Variants in SMYD3 observed in about 807,000 individuals in gnomAD.
SMYD3 encodes the protein SET and MYND domain containing 3.
In SMYD3, 36 loss-of-function variants were observed where a neutral mutation model predicts 57.7. The observed-to-expected ratio is 0.62, with a 90% CI of 0.48 to 0.82. The LOEUF (loss-of-function observed/expected upper bound fraction) is 0.82, where lower values mean the gene tolerates loss of function less well. Among genes scored for constraint, SMYD3 ranks in the 40% least tolerant of loss-of-function variants. The pLI is 0.00. For missense variants in SMYD3, 515 were observed against 538.8 expected (o/e 0.96, Z 0.44); for synonymous variants, 211 against 195.0 (o/e 1.08, Z -0.68).
intron 1 of SMYD3, among the ~76,000 whole-genome samples, chr1:246,444,156 T>G (rs948752477): frequency 3.4e-5 from 5 of 145,554 alleles, no homozygotes; most frequent in African/African-American, 5.1e-5. Context: ...AGACAGAGTC[T>G]CGTTCTGTCA....
chr1:246,392,722 A>G (rs1029455936), intron 1 of SMYD3, among the ~76,000 whole-genome samples: 4 of 151,738 alleles, frequency 2.6e-5, no homozygotes, highest in Admixed American at 6.6e-5. Flanking sequence ...TGCTGGGATT[A>G]TAGGTGTGAG....
intron 10 of SMYD3, among the ~76,000 whole-genome samples, chr1:245,765,992 C>T (rs960402155): frequency 1.3e-5 from 2 of 152,154 alleles, no homozygotes; most frequent in African/African-American, 4.8e-5. Flanking sequence ...TTAACTCTTC[C>T]TCCCATGAAA....
intron 1 of SMYD3, among the ~76,000 whole-genome samples, chr1:246,380,757 T>TA (rs1309375160): frequency 2.0e-5 from 3 of 152,262 alleles, no homozygotes; most frequent in African/African-American, 7.2e-5. Context: ...CTGTGCTAGA[T>TA]ACCTGTAACA....
chr1:246,456,806 C>G (rs79357482), intron 1 of SMYD3, among the ~76,000 whole-genome samples: 2 of 152,094 alleles, frequency 1.3e-5, no homozygotes, highest in Non-Finnish European at 2.9e-5. Flanking sequence ...AAACTGGAGA[C>G]ATGGCTAAGG....
intron 1 of SMYD3, among the ~76,000 whole-genome samples, chr1:246,474,424 C>A (rs960712671): frequency 6.7e-6 from 1 of 148,720 alleles, no homozygotes; most frequent in Non-Finnish European, 1.5e-5. Flanking sequence ...GAGGCTGAGG[C>A]AGGAGAATCG....
intron 5 of SMYD3, among the ~76,000 whole-genome samples, chr1:246,232,516 T>C (rs1226904176): frequency 6.7e-6 from 1 of 148,954 alleles, no homozygotes; most frequent in African/African-American, 2.5e-5. Context: ...GGAGAAGCAC[T>C]CCTTCAATCC....
At chr1:246,104,863 T>C (rs1264842660) in intron 5 of SMYD3, among the ~76,000 whole-genome samples, 1 of 152,044 alleles carries the variant, frequency 6.6e-6, no homozygotes, top group African/African-American at 2.4e-5. Context: ...ATTTTTTAAA[T>C]AGGCTACTGT....
intron 8 of SMYD3, among the ~76,000 whole-genome samples, chr1:245,886,241 A>G (rs1175378709): frequency 6.6e-6 from 1 of 152,154 alleles, no homozygotes. Context: ...ATAGACAGGA[A>G]AACATTATCA....
intron 1 of SMYD3, among the ~76,000 whole-genome samples, chr1:246,492,560 G>C (rs2068288528): frequency 6.6e-6 from 1 of 152,176 alleles, no homozygotes; most frequent in Non-Finnish European, 1.5e-5. Flanking sequence ...TGATGAAAGA[G>C]TCACTATTTA....
At chr1:245,801,326 CA>C (rs1433904196) in intron 10 of SMYD3, among the ~76,000 whole-genome samples, 2 of 152,172 alleles carry the variant, frequency 1.3e-5, no homozygotes, top group Admixed American at 1.3e-4. Context: ...TAAGTGGTTG[CA>C]AACTGTTCCC....
chr1:246,262,684 T>C (rs2064033599), intron 5 of SMYD3, among the ~76,000 whole-genome samples: 1 of 152,162 alleles, frequency 6.6e-6, no homozygotes, highest in Non-Finnish European at 1.5e-5. Context: ...CCTAGCACAG[T>C]ACCTAGGTCA....
At chr1:246,031,070 T>C (rs1299927357) in intron 5 of SMYD3, among the ~76,000 whole-genome samples, 2 of 152,124 alleles carry the variant, frequency 1.3e-5, no homozygotes, top group East Asian at 3.9e-4. Flanking sequence ...ACAAACTTAG[T>C]ATGGAATCAC....
rs933486928 is a variant in SMYD3 at position 246,003,595 on chromosome 1, C to T, written c.532-73658G>A. On this transcript the variant is annotated intron_variant, in intron 5 of 11. Coordinates refer to ENST00000490107, the MANE Select transcript of SMYD3 (RefSeq NM_001167740.2). ...CCATTTTGAACGGCTCAGCTATCAA[C>T]AAAATTTTCAATAAGAAATACATTG... 3.9e-5 allele frequency among the ~76,000 whole-genome samples: 6 copies of T among 152,234 alleles called. 1 individual carries two copies. The highest frequency in any genetic ancestry group is 6.8e-3 in the Middle Eastern group (2 of 294).
At chr1:246,473,637 T>C (rs2067989486) in intron 1 of SMYD3, among the ~76,000 whole-genome samples, 1 of 152,228 alleles carries the variant, frequency 6.6e-6, no homozygotes. Context: ...TACCCAGCTA[T>C]GCACTGGTGA....
intron 5 of SMYD3, among the ~76,000 whole-genome samples, chr1:246,034,940 C>T (rs768852210): frequency 5.9e-5 from 9 of 152,148 alleles, no homozygotes; most frequent in Non-Finnish European, 1.2e-4. Context: ...AGAGAAAATA[C>T]AGACACACAG....
At chr1:245,868,570 A>G (rs10924369) in intron 8 of SMYD3, among the ~76,000 whole-genome samples, 84,163 of 152,054 alleles carry the variant, frequency 0.55, 26,571 homozygotes, top group Non-Finnish European at 0.73. Flanking sequence ...ACCAGTGAAC[A>G]TAACCTGATT....
chr1:246,303,254 G>A lies in SMYD3; in HGVS notation c.531+23947C>T, dbSNP rs138328572. 2.6e-5 allele frequency among the ~76,000 whole-genome samples: 4 copies of A among 152,248 alleles called. 1 individual carries two copies. Among genetic ancestry groups the A allele is most frequent in the African/African-American group, 9.6e-5 (4 of 41,558 alleles). ...AGGAGTGCATGAGTTGATACTTATT[G>A]TGGTTGGCAGAATTTTAAGGTGGCC... is the stretch of plus-strand genomic sequence containing the variant. On this transcript the variant is annotated intron_variant, in intron 5 of 11. Coordinates refer to ENST00000490107, the MANE Select transcript of SMYD3 (RefSeq NM_001167740.2).
intron 5 of SMYD3, among the ~76,000 whole-genome samples, chr1:246,181,513 A>G (rs2062551095): frequency 6.6e-6 from 1 of 152,268 alleles, no homozygotes; most frequent in African/African-American, 2.4e-5. Context: ...ATTCAAAGAA[A>G]ATACTATAAA....
At chr1:246,032,783 C>T (rs917572594) in intron 5 of SMYD3, among the ~76,000 whole-genome samples, 1 of 152,096 alleles carries the variant, frequency 6.6e-6, no homozygotes, top group South Asian at 2.1e-4. Context: ...AACACTGATA[C>T]ATGTAAAAGG....
Sources: gnomAD v4.1 joint callset for allele counts (sites outside exome capture counted in the v4.1 genomes callset) on GRCh38, gnomAD v4.1.1 for gene constraint, MANE v1.5 for transcripts, NCBI Gene and HGNC (gene_info 2026-07-23, HGNC 2026-07-21) for gene names.